The following SLC39A11 variants were observed in gnomAD, a reference collection of about 807,000 sequenced individuals.
SLC39A11 encodes zinc transporter ZIP11.
Under a neutral mutation model 36.1 loss-of-function variants are expected in SLC39A11, and 33 were observed. The ratio of observed to expected loss-of-function variants is 0.91; its 90% CI spans 0.69 to 1.22. SLC39A11 has a LOEUF of 1.22. Among genes scored for constraint, SLC39A11 ranks in the 50% most tolerant of loss-of-function variants. SLC39A11 has a pLI of 0.00. For synonymous variants in SLC39A11, 166 were observed against 170.3 expected, an observed-to-expected ratio of 0.97 and a Z score of 0.20; for missense variants, 432 against 430.3, an observed-to-expected ratio of 1.00 and a Z score of -0.03.
chr17:73,061,388 T>C (rs75187625), intron 3 of SLC39A11, among the ~76,000 whole-genome samples: 2,195 of 152,260 alleles, frequency 0.014, 29 homozygotes, highest in Non-Finnish European at 0.021. Context: ...AGAACTCGTA[T>C]GAAGAAACTC....
At chr17:72,866,741 A>C (rs971837331) in intron 5 of SLC39A11, among the ~76,000 whole-genome samples, 1 of 152,254 alleles carries the variant, frequency 6.6e-6, no homozygotes, top group African/African-American at 2.4e-5. Flanking sequence ...CAGATGGATG[A>C]ATGCCAACTA....
intron 5 of SLC39A11, among the ~76,000 whole-genome samples, chr17:72,857,577 C>T (rs1052899600): frequency 5.9e-5 from 9 of 152,284 alleles, no homozygotes; most frequent in Admixed American, 1.3e-4. Flanking sequence ...AGTTCAACAA[C>T]GGTTGAACTA....
At chr17:72,804,789 G>A (rs1023876670) in intron 6 of SLC39A11, among the ~76,000 whole-genome samples, 2 of 152,146 alleles carry the variant, frequency 1.3e-5, no homozygotes, top group African/African-American at 2.4e-5. Flanking sequence ...CTGGGAGGCC[G>A]AGGCAGCGGA....
intron 3 of SLC39A11, among the ~76,000 whole-genome samples, chr17:73,065,366 C>G (rs1282784471): frequency 6.6e-6 from 1 of 152,146 alleles, no homozygotes; most frequent in Non-Finnish European, 1.5e-5. Context: ...GATCGCACCA[C>G]TACATTCCAG....
intron 7 of SLC39A11, among the ~76,000 whole-genome samples, chr17:72,726,953 G>A (rs1298990704): frequency 6.6e-6 from 1 of 152,156 alleles, no homozygotes; most frequent in African/African-American, 2.4e-5. Flanking sequence ...TCATATCTTG[G>A]GGATGTGTTT....
At chr17:72,844,606 T>C (rs961011606) in intron 6 of SLC39A11, among the ~76,000 whole-genome samples, 5 of 152,016 alleles carry the variant, frequency 3.3e-5, no homozygotes, top group African/African-American at 1.2e-4. Flanking sequence ...GAGGTGGAGG[T>C]TGCAGTGAGC....
intron 5 of SLC39A11, among the ~76,000 whole-genome samples, chr17:72,851,457 C>T (rs942721908): frequency 6.6e-6 from 1 of 152,080 alleles, no homozygotes; most frequent in Non-Finnish European, 1.5e-5. Context: ...AATGAAGGGT[C>T]CCTTTATTGG....
At chr17:72,967,393 A>AGTGT (rs1555655771) in intron 4 of SLC39A11, among the ~76,000 whole-genome samples, 2 of 144,088 alleles carry the variant, frequency 1.4e-5, no homozygotes, top group African/African-American at 5.7e-5. Flanking sequence ...AGAGAGAGAG[A>AGTGT]GAGAGAGTGT....
chr17:72,949,144 C>CTTTTTTTTGTTTTTT, intron 4 of SLC39A11, among the ~76,000 whole-genome samples: 1 of 36,474 alleles, frequency 2.7e-5, no homozygotes, highest in South Asian at 1.6e-3. Context: ...CACTGGGCAG[C>CTTTTTTTTGTTTTTT]TTTTTTTTTT....
intron 7 of SLC39A11, among the ~76,000 whole-genome samples, chr17:72,676,109 G>T (rs988105528): frequency 2.9e-5 from 4 of 137,392 alleles, no homozygotes; most frequent in Non-Finnish European, 6.4e-5. Context: ...CACACTTGCT[G>T]TATTAAAGCA....
intron 7 of SLC39A11, among the ~76,000 whole-genome samples, chr17:72,650,910 AGTTCC>A (rs2069820875): frequency 6.6e-6 from 1 of 152,186 alleles, no homozygotes; most frequent in Admixed American, 6.5e-5. Flanking sequence ...CTGAGGCCCA[AGTTCC>A]AGCCTCTAAC....
chr17:72,775,068 T>C (rs931409114), intron 6 of SLC39A11, among the ~76,000 whole-genome samples: 13 of 152,030 alleles, frequency 8.6e-5, no homozygotes, highest in African/African-American at 2.9e-4. Context: ...CTGGCTAATA[T>C]TGTGAGCACC....
chr17:72,851,576 C>T (rs1327407770), intron 5 of SLC39A11, among the ~76,000 whole-genome samples: 1 of 152,192 alleles, frequency 6.6e-6, no homozygotes, highest in African/African-American at 2.4e-5. Context: ...TACAACCTAA[C>T]TTAGTATGTA....
At chr17:72,851,238 A>T (rs1267052524) in intron 5 of SLC39A11, among the ~76,000 whole-genome samples, 1 of 152,206 alleles carries the variant, frequency 6.6e-6, no homozygotes, top group Non-Finnish European at 1.5e-5. Flanking sequence ...GAAGAATGTC[A>T]TTCTTAGAAC....
At chr17:72,870,047 AG>A (rs2080527262) in intron 5 of SLC39A11, among the ~76,000 whole-genome samples, 1 of 145,144 alleles carries the variant, frequency 6.9e-6, no homozygotes, top group African/African-American at 2.6e-5. Context: ...TTTTTTGTTT[AG>A]CATAACCTGT....
chr17:73,055,324 G>T (rs1360691143), intron 3 of SLC39A11, among the ~76,000 whole-genome samples: 3 of 152,188 alleles, frequency 2.0e-5, no homozygotes, highest in Non-Finnish European at 4.4e-5. Context: ...TCCACAGGAG[G>T]TAGGACCTGT....
intron 7 of SLC39A11, among the ~76,000 whole-genome samples, chr17:72,729,357 G>A (rs2074061744): frequency 7.8e-6 from 1 of 127,764 alleles, no homozygotes; most frequent in Non-Finnish European, 1.6e-5. Context: ...CCCACCTCAG[G>A]ATTCAGAGTA....
At chr17:72,898,721 TATAG>T (rs1474540526) in intron 5 of SLC39A11, among the ~76,000 whole-genome samples, 1 of 152,230 alleles carries the variant, frequency 6.6e-6, no homozygotes, top group Non-Finnish European at 1.5e-5. Flanking sequence ...TAGACACTCA[TATAG>T]ATATTCATAC....
At chr17:72,762,788 T>C (rs2075633977) in intron 6 of SLC39A11, among the ~76,000 whole-genome samples, 1 of 152,040 alleles carries the variant, frequency 6.6e-6, no homozygotes, top group Admixed American at 6.6e-5. Flanking sequence ...GACCTTCCCA[T>C]TCGATTCCTA....
Sources: gnomAD v4.1 joint callset for allele counts (sites outside exome capture counted in the v4.1 genomes callset) on GRCh38, gnomAD v4.1.1 for gene constraint, MANE v1.5 for transcripts, NCBI Gene and HGNC (gene_info 2026-07-23, HGNC 2026-07-21) for gene names.